The following NAV2 variants were observed in gnomAD, a reference collection of about 807,000 sequenced individuals.
NAV2 encodes neuron navigator 2, also known as helicase, APC down-regulated 1.
Under a neutral mutation model 223.2 loss-of-function variants are expected in NAV2, and 54 were observed. The observed-to-expected ratio is 0.24, with a 90% CI of 0.19 to 0.30. The LOEUF (loss-of-function observed/expected upper bound fraction) is 0.30, where lower values mean the gene tolerates loss of function less well. Among genes scored for constraint, NAV2 ranks in the 10% least tolerant of loss-of-function variants. NAV2 has a pLI of 1.00. For missense variants in NAV2, 2,806 were observed against 3,147.5 expected (o/e 0.89, Z 2.60); for synonymous variants, 1,279 against 1,239.3 (o/e 1.03, Z -0.67).
intron 1 of NAV2, among the ~76,000 whole-genome samples, chr11:19,701,760 A>G (rs2049517195): frequency 6.6e-6 from 1 of 152,254 alleles, no homozygotes; most frequent in Admixed American, 6.5e-5. Flanking sequence ...AAGCCAAAAA[A>G]TAAAAGACAA....
chr11:19,618,962 A>G (rs999351215), intron 1 of NAV2, among the ~76,000 whole-genome samples: 5 of 102 alleles, frequency 0.049, no homozygotes, highest in Non-Finnish European at 0.083. Context: ...CCTGTGTCCA[A>G]GTGTTCTCAT....
At chr11:20,052,541 G>A (rs2058078495) in intron 17 of NAV2, among the ~76,000 whole-genome samples, 1 of 152,192 alleles carries the variant, frequency 6.6e-6, no homozygotes, top group South Asian at 2.1e-4. Flanking sequence ...GGTGCCCTGA[G>A]AGAAAGCTAA....
chr11:19,577,926 C>G (rs183452388), intron 1 of NAV2, among the ~76,000 whole-genome samples: 1 of 152,308 alleles, frequency 6.6e-6, no homozygotes, highest in Admixed American at 6.5e-5. Flanking sequence ...GACAGGCGCC[C>G]AAAATAGACT....
chr11:19,545,285 T>G (rs1329857800), intron 1 of NAV2, among the ~76,000 whole-genome samples: 1 of 152,212 alleles, frequency 6.6e-6, no homozygotes, highest in East Asian at 1.9e-4. Flanking sequence ...CAGGGGAGCT[T>G]GGTTTGGGCC....
intron 11 of NAV2, among the ~76,000 whole-genome samples, chr11:19,989,571 T>A: frequency 6.6e-6 from 1 of 152,142 alleles, no homozygotes; most frequent in East Asian, 1.9e-4. Context: ...AAAACTGACA[T>A]AAACTTATGT....
At chr11:19,854,110 G>A (rs1223262935) in intron 3 of NAV2, among the ~76,000 whole-genome samples, 1 of 152,162 alleles carries the variant, frequency 6.6e-6, no homozygotes, top group Non-Finnish European at 1.5e-5. Flanking sequence ...TGTGGATTGT[G>A]GTTTATATAA....
intron 35 of NAV2, 135 bp from the exon 36 acceptor site, chr11:20,107,529 G>A (rs4757890): frequency 0.77 from 536,222 of 693,120 alleles, 220,429 homozygotes; most frequent in Non-Finnish European, 0.87. Flanking sequence ...GTATACCTGC[G>A]TTCAGGCCTC....
intron 1 of NAV2, among the ~76,000 whole-genome samples, chr11:19,616,147 C>T (rs555639128): frequency 2.0e-4 from 31 of 152,150 alleles, no homozygotes; most frequent in Middle Eastern, 3.4e-3. Context: ...AATAGAGCCC[C>T]GTAGACTGTA....
chr11:19,859,525 C>A (rs2061570528), intron 3 of NAV2, among the ~76,000 whole-genome samples: 1 of 150,420 alleles, frequency 6.6e-6, no homozygotes. Flanking sequence ...AATGAAAAGT[C>A]TCCCATGTCT....
intron 1 of NAV2, among the ~76,000 whole-genome samples, chr11:19,703,143 A>T (rs200281196): frequency 3.2e-5 from 3 of 93,166 alleles, no homozygotes; most frequent in Admixed American, 1.3e-4. Context: ...ATATTTTTTT[A>T]AATTACAAAA....
At chr11:19,574,621 C>A (rs191676149) in intron 1 of NAV2, among the ~76,000 whole-genome samples, 5 of 152,132 alleles carry the variant, frequency 3.3e-5, no homozygotes, top group African/African-American at 1.2e-4. Context: ...CCTTCCATCC[C>A]GTTTATTTTT....
intron 1 of NAV2, among the ~76,000 whole-genome samples, chr11:19,765,664 T>G (rs965970615): frequency 3.9e-5 from 6 of 152,204 alleles, no homozygotes; most frequent in African/African-American, 1.4e-4. Context: ...CCTTGCTCAC[T>G]GTGCTCTAGC....
At chr11:19,779,182 G>A (rs1161543634) in intron 1 of NAV2, among the ~76,000 whole-genome samples, 1 of 152,160 alleles carries the variant, frequency 6.6e-6, no homozygotes, top group East Asian at 1.9e-4. Flanking sequence ...TTAACTGTGA[G>A]GACCACCCAA....
intron 1 of NAV2, 42 bp from the exon 2 acceptor site, chr11:19,832,442 T>C (rs1250943446): frequency 2.4e-5 from 37 of 1,510,782 alleles, no homozygotes; most frequent in Non-Finnish European, 3.2e-5. Flanking sequence ...TGAGAGGGGA[T>C]CCGACTGGCT....
intron 1 of NAV2, among the ~76,000 whole-genome samples, chr11:19,649,589 T>C (rs1277315446): frequency 6.6e-6 from 1 of 152,154 alleles, no homozygotes; most frequent in Admixed American, 6.5e-5. Context: ...GGGGCCTCTT[T>C]TATAAGTGCA....
At chr11:19,994,591 C>A (rs1327747299) in intron 11 of NAV2, among the ~76,000 whole-genome samples, 1 of 151,520 alleles carries the variant, frequency 6.6e-6, no homozygotes, top group Non-Finnish European at 1.5e-5. Flanking sequence ...GAAAGGTCAG[C>A]CTAGCCATGA....
chr11:20,081,771 G>T (rs1020354940), intron 25 of NAV2, among the ~76,000 whole-genome samples: 1 of 152,100 alleles, frequency 6.6e-6, no homozygotes, highest in Non-Finnish European at 1.5e-5. Context: ...TTTTTCAGTG[G>T]CTAAGAAAAC....
chr11:19,585,527 T>C (rs1168759507), intron 1 of NAV2, among the ~76,000 whole-genome samples: 4 of 152,222 alleles, frequency 2.6e-5, no homozygotes, highest in Admixed American at 2.0e-4. Context: ...CGGTTGTTCC[T>C]TTCCATGTTT....
chr11:19,933,184 G>C lies in NAV2; in HGVS notation c.940G>C (p.Ala314Pro). 5.9e-6 allele frequency: 9 copies of C among 1,529,476 alleles called. No individual in the cohort carries two copies. Among genetic ancestry groups the C allele is most frequent in the Non-Finnish European group, 7.0e-6 (8 of 1,136,578 alleles). The allele number at this position is 1,529,476 out of a possible 1,614,324, so 94.7% of individuals were successfully genotyped here. A position where few individuals can be genotyped will look rare whatever the true frequency, so the allele number is the denominator to read the frequency against. The change falls in exon 7 of 38, where the codon GCA (alanine) becomes CCA (proline). Residue 314 changes from alanine (A) to proline (P), a missense_variant. By Grantham distance (27) the Ala-to-Pro change is conservative (BLOSUM62 -1). Transcript: ENST00000349880. The surrounding 1 kb of genome is among the most constrained non-coding windows in gnomAD (Gnocchi z 4.3). ...CTCTTCTGTCTCTGCAGAGCCTTTG[G>C]CAAGTTCAGCCTCCTCCCACCCCGG... ...PPSSHEKEPL[A>P]SSASSHPGMS...
Sources: gnomAD v4.1 joint callset for allele counts (sites outside exome capture counted in the v4.1 genomes callset) on GRCh38, gnomAD v4.1.1 for gene constraint, Gnocchi (gnomAD v3.1) non-coding constraint, MANE v1.5 for transcripts, NCBI Gene and HGNC (gene_info 2026-07-23, HGNC 2026-07-21) for gene names.